The following PAPPA2 variants were observed in gnomAD, a reference collection of about 807,000 sequenced individuals.
PAPPA2 encodes the protein pappalysin 2.
In PAPPA2, 86 loss-of-function variants were observed where a neutral mutation model predicts 176.4. That is an observed-to-expected ratio of 0.49 (90% CI 0.41 to 0.58). The LOEUF (loss-of-function observed/expected upper bound fraction) is 0.58. Ranked by LOEUF, PAPPA2 falls within the 20% of genes least tolerant of loss-of-function variation. The probability of loss-of-function intolerance (pLI) is 0.00; values close to 1 mark genes in which losing one functional copy is unlikely to be tolerated. For synonymous variants in PAPPA2, 809 were observed against 852.2 expected (o/e 0.95, Z 0.88); for missense variants, 2,073 against 2,256.9 (o/e 0.92, Z 1.65).
Position 176,711,340 on chromosome 1 carries a change from C to T in PAPPA2, c.3652-495C>T, listed in dbSNP as rs1045524872. Among the ~76,000 whole-genome samples, 13 of 152,090 alleles carry T rather than the reference C, an allele frequency of 8.5e-5. No individual in the cohort carries two copies. The South Asian group carries it at 1.0e-3, about 12-fold the overall frequency. ...AGTTGGGAGATTCTGAGGTAATGAC[C>T]GCTCTCTGAAGTGGCTTTTAGTCTA... On this transcript the variant is annotated intron_variant, in intron 11 of 22. Coordinates refer to ENST00000367662, the MANE Select transcript of PAPPA2 (RefSeq NM_020318.3).
chr1:176,590,166 T>A (rs1027321173), intron 2 of PAPPA2, among the ~76,000 whole-genome samples: 1 of 152,192 alleles, frequency 6.6e-6, no homozygotes, highest in East Asian at 1.9e-4. Flanking sequence ...CAAAATGATA[T>A]TATCAGCAAA....
intron 1 of PAPPA2, among the ~76,000 whole-genome samples, chr1:176,546,521 CA>C (rs1161578949): frequency 1.3e-5 from 2 of 152,188 alleles, no homozygotes; most frequent in Non-Finnish European, 2.9e-5. Context: ...TAGGAATAGT[CA>C]ATATAATCAG....
At position 176,581,247 on chromosome 1, in the gene PAPPA2, C is replaced by T. The variant is rs149440874; in HGVS notation, c.920-13277C>T. 3.3e-4 allele frequency among the ~76,000 whole-genome samples: 50 copies of T among 152,228 alleles called. 1 individual carries two copies. The Middle Eastern group carries it at 0.01, about 31-fold the overall frequency. ...CCTTCCGCAATCAATGTACTTGGTACCTTAGTCAAAAATCAGTTGTTGTGG... is the reference window on the plus strand; with the variant it reads ...CCTTCCGCAATCAATGTACTTGGTATCTTAGTCAAAAATCAGTTGTTGTGG... On this transcript the variant is annotated intron_variant, in intron 2 of 22. Transcript: ENST00000367662.
chr1:176,628,278 C>T (rs563276415), intron 3 of PAPPA2, among the ~76,000 whole-genome samples: 10 of 152,222 alleles, frequency 6.6e-5, no homozygotes, highest in African/African-American at 2.4e-4. Flanking sequence ...ATGTCTGTGT[C>T]TCAGAAATCC....
At chr1:176,596,699 C>T (rs1444936476) in intron 3 of PAPPA2, among the ~76,000 whole-genome samples, 1 of 152,138 alleles carries the variant, frequency 6.6e-6, no homozygotes. Context: ...TTCCCAAGGC[C>T]TAGAATAGCA....
intron 1 of PAPPA2, among the ~76,000 whole-genome samples, chr1:176,505,966 C>T (rs1012294492): frequency 2.6e-5 from 4 of 152,004 alleles, no homozygotes; most frequent in African/African-American, 7.2e-5. Flanking sequence ...AGATTTTAAG[C>T]AGTTAGACTG....
At chr1:176,537,302 C>CT (rs1558422931) in intron 1 of PAPPA2, 5 of 152,344 alleles carry the variant, frequency 3.3e-5, no homozygotes, top group Admixed American at 3.3e-4. Context: ...CTCCCCAGCC[C>CT]TACTCCTCTC....
chr1:176,469,860 G>A (rs967560758), intron 1 of PAPPA2, among the ~76,000 whole-genome samples: 2 of 152,144 alleles, frequency 1.3e-5, no homozygotes, highest in African/African-American at 2.4e-5. Context: ...GTGGTTCCCT[G>A]AGCTCTTTGC....
At chr1:176,726,988 A>T (rs1401008365) in intron 12 of PAPPA2, among the ~76,000 whole-genome samples, 3 of 152,212 alleles carry the variant, frequency 2.0e-5, no homozygotes, top group African/African-American at 7.2e-5. Flanking sequence ...AACATTATTC[A>T]TGAGATAGTA....
At chr1:176,688,456 C>G (rs1659948187) in intron 4 of PAPPA2, among the ~76,000 whole-genome samples, 1 of 152,190 alleles carries the variant, frequency 6.6e-6, no homozygotes, top group South Asian at 2.1e-4. Flanking sequence ...AAATAACAGG[C>G]ACTCTTGAAA....
chr1:176,503,819 G>A (rs961245483), intron 1 of PAPPA2, among the ~76,000 whole-genome samples: 3 of 152,112 alleles, frequency 2.0e-5, no homozygotes, highest in Admixed American at 2.0e-4. Flanking sequence ...CCTCAGATTA[G>A]GAATAGTTCA....
chr1:176,832,012 C>A (rs931292014), intron 21 of PAPPA2, among the ~76,000 whole-genome samples: 1 of 152,110 alleles, frequency 6.6e-6, no homozygotes, highest in African/African-American at 2.4e-5. Flanking sequence ...ATGGAGCATG[C>A]CTGGTTTTGA....
At chr1:176,616,756 C>CT in intron 3 of PAPPA2, 1 of 1,192,264 alleles carries the variant, frequency 8.4e-7, no homozygotes, top group Admixed American at 1.7e-5. Context: ...TTGTATGTGA[C>CT]TTTCACAGGA....
intron 1 of PAPPA2, among the ~76,000 whole-genome samples, chr1:176,519,827 AAGTTG>A (rs1328563900): frequency 1.3e-5 from 2 of 152,162 alleles, no homozygotes; most frequent in African/African-American, 4.8e-5. Flanking sequence ...GTGAAGTTGA[AAGTTG>A]GTAGTTGGCT....
chr1:176,781,842 A>G (rs1414014519), intron 17 of PAPPA2, among the ~76,000 whole-genome samples: 1 of 152,180 alleles, frequency 6.6e-6, no homozygotes, highest in Non-Finnish European at 1.5e-5. Flanking sequence ...TAGGTACCAC[A>G]CTGTGTGTAG....
chr1:176,809,507 T>A (rs1386713464), intron 21 of PAPPA2, among the ~76,000 whole-genome samples: 1 of 152,186 alleles, frequency 6.6e-6, no homozygotes, highest in Non-Finnish European at 1.5e-5. Context: ...CTTTTATTAT[T>A]TATATTCCAG....
chr1:176,541,902 G>A (rs1449338102), intron 1 of PAPPA2, among the ~76,000 whole-genome samples: 1 of 152,186 alleles, frequency 6.6e-6, no homozygotes, highest in African/African-American at 2.4e-5. Flanking sequence ...AGCTGTTGTA[G>A]TCATGCTGAC....
intron 1 of PAPPA2, among the ~76,000 whole-genome samples, chr1:176,483,883 G>A (rs1558395498): frequency 1.3e-5 from 2 of 152,204 alleles, no homozygotes; most frequent in Non-Finnish European, 2.9e-5. Flanking sequence ...TGGCTCCTGA[G>A]GGGAGGGCTT....
chr1:176,722,564 CT>C (rs1661676482), intron 12 of PAPPA2, among the ~76,000 whole-genome samples: 1 of 151,744 alleles, frequency 6.6e-6, no homozygotes, highest in African/African-American at 2.4e-5. Flanking sequence ...CTGCTAAAAA[CT>C]CTTCTTAGTT....
Sources: gnomAD v4.1 joint callset for allele counts (sites outside exome capture counted in the v4.1 genomes callset) on GRCh38, gnomAD v4.1.1 for gene constraint, MANE v1.5 for transcripts, NCBI Gene and HGNC (gene_info 2026-07-23, HGNC 2026-07-21) for gene names.